Variants in TMEM135 observed in about 807,000 individuals in gnomAD.
TMEM135 encodes transmembrane protein 135, also known as peroxisomal membrane protein 52.
Under a neutral mutation model 60.3 loss-of-function variants are expected in TMEM135, and 30 were observed. That is an observed-to-expected ratio of 0.50 (90% CI 0.37 to 0.68). The LOEUF (loss-of-function observed/expected upper bound fraction) is 0.68. Among genes scored for constraint, TMEM135 ranks in the 30% least tolerant of loss-of-function variants. The pLI is 0.00. For synonymous variants in TMEM135, 190 were observed against 186.7 expected, an observed-to-expected ratio of 1.02 and a Z score of -0.14; for missense variants, 468 against 548.8, an observed-to-expected ratio of 0.85 and a Z score of 1.47.
intron 7 of TMEM135, among the ~76,000 whole-genome samples, chr11:87,300,684 T>G (rs1317791505): frequency 6.6e-6 from 1 of 152,174 alleles, no homozygotes; most frequent in Non-Finnish European, 1.5e-5. Flanking sequence ...TATTAAATAT[T>G]TACCATGTGC....
Position 87,325,326 on chromosome 11 carries a change from C to T in TMEM135, c.*3993C>T, listed in dbSNP as rs1367605330. On this transcript the variant is annotated 3_prime_UTR_variant, in exon 15 of 15. Coordinates refer to ENST00000305494, the MANE Select transcript of TMEM135 (RefSeq NM_022918.4). ...AAGTTGGCCATGATATAGCTAGTGT[C>T]ATAGGACTACAGCAGAGTAGTGAGT... 2.2e-6 allele frequency: 1 copy of T among 454,080 alleles called. No homozygotes were observed. 28.1% of individuals were successfully genotyped at this position (454,080 alleles called of 1,614,324 possible). A position where few individuals can be genotyped will look rare whatever the true frequency, so the allele number is the denominator to read the frequency against.
At chr11:87,058,089 T>A (rs1949910631) in intron 1 of TMEM135, among the ~76,000 whole-genome samples, 1 of 152,148 alleles carries the variant, frequency 6.6e-6, no homozygotes, top group Admixed American at 6.5e-5. Context: ...GAGTTTGTTG[T>A]TTTGTTCTCT....
chr11:87,093,752 G>T (rs2445563), intron 4 of TMEM135, among the ~76,000 whole-genome samples: 82,889 of 151,166 alleles, frequency 0.55, 23,468 homozygotes, highest in East Asian at 0.71. Context: ...CAGTCTGGTC[G>T]TGAACTCCTG....
intron 2 of TMEM135, among the ~76,000 whole-genome samples, chr11:87,070,488 G>A (rs926092181): frequency 1.8e-4 from 28 of 152,018 alleles, no homozygotes; most frequent in Non-Finnish European, 4.1e-4. Context: ...CAAAAAATTA[G>A]CCGGGCGTGG....
chr11:87,138,744 ATGG>A (rs749529922), intron 4 of TMEM135, among the ~76,000 whole-genome samples: 13 of 152,218 alleles, frequency 8.5e-5, no homozygotes, highest in Admixed American at 2.6e-4. Context: ...GCTTGGACAA[ATGG>A]TGGATGGGAA....
chr11:87,071,478 G>C, intron 2 of TMEM135, 45 bp from the exon 3 acceptor site: 1 of 1,456,032 alleles, frequency 6.9e-7, no homozygotes, highest in East Asian at 2.3e-5. Context: ...TAACTGAAGT[G>C]ACCAACTAGG....
chr11:87,220,678 A>G (rs1271969013), intron 5 of TMEM135, among the ~76,000 whole-genome samples: 1 of 152,198 alleles, frequency 6.6e-6, no homozygotes, highest in Non-Finnish European at 1.5e-5. Context: ...TTTGGTGTGT[A>G]GAATTTTATT....
At chr11:87,275,280 T>C (rs566221579) in intron 6 of TMEM135, among the ~76,000 whole-genome samples, 23 of 152,304 alleles carry the variant, frequency 1.5e-4, no homozygotes, top group African/African-American at 5.5e-4. Context: ...TTCCTTTTTT[T>C]CAACAAAGTG....
At chr11:87,095,398 T>G (rs898288686) in intron 4 of TMEM135, 3 of 215,376 alleles carry the variant, frequency 1.4e-5, no homozygotes, top group African/African-American at 2.3e-5. Context: ...TCATCAATAC[T>G]TGTGTATTAG....
At chr11:87,107,348 T>C (rs1857622760) in intron 4 of TMEM135, among the ~76,000 whole-genome samples, 1 of 152,066 alleles carries the variant, frequency 6.6e-6, no homozygotes, top group Admixed American at 6.6e-5. Context: ...ATGTGCCATG[T>C]TGGTGTGCTG....
At chr11:87,187,634 T>C (rs1939684976) in intron 5 of TMEM135, among the ~76,000 whole-genome samples, 1 of 152,216 alleles carries the variant, frequency 6.6e-6, no homozygotes, top group South Asian at 2.1e-4. Context: ...TATGCACTTG[T>C]GTGTGAACGT....
chr11:87,184,641 T>C (rs1285333455), intron 5 of TMEM135, among the ~76,000 whole-genome samples: 1 of 152,130 alleles, frequency 6.6e-6, no homozygotes, highest in Admixed American at 6.6e-5. Context: ...CCTCTTTTTT[T>C]CCCTTAAATA....
At chr11:87,097,760 T>G (rs1446770937) in intron 4 of TMEM135, among the ~76,000 whole-genome samples, 1 of 152,220 alleles carries the variant, frequency 6.6e-6, no homozygotes, top group Non-Finnish European at 1.5e-5. Flanking sequence ...TCGCTCTGTT[T>G]TGAGCTCTTA....
At chr11:87,069,190 G>T (rs1168184023) in intron 2 of TMEM135, among the ~76,000 whole-genome samples, 1 of 149,200 alleles carries the variant, frequency 6.7e-6, no homozygotes. Flanking sequence ...GGAGGCTGAG[G>T]CAGGAGAATT....
At chr11:87,105,906 AT>A (rs1473217380) in intron 4 of TMEM135, among the ~76,000 whole-genome samples, 4 of 152,112 alleles carry the variant, frequency 2.6e-5, no homozygotes, top group Non-Finnish European at 4.4e-5. Flanking sequence ...GTTTGTACTC[AT>A]TCACTAACCT....
chr11:87,134,563 A>G (rs950069603), intron 4 of TMEM135, among the ~76,000 whole-genome samples: 4 of 152,268 alleles, frequency 2.6e-5, no homozygotes, highest in East Asian at 1.9e-4. Context: ...TCTCACTGCA[A>G]TGCAAACTCC....
At chr11:87,177,024 T>C (rs1320423585) in intron 5 of TMEM135, among the ~76,000 whole-genome samples, 2 of 152,164 alleles carry the variant, frequency 1.3e-5, no homozygotes, top group African/African-American at 2.4e-5. Context: ...CCTTTTGATA[T>C]AATTTTCAGT....
intron 5 of TMEM135, among the ~76,000 whole-genome samples, chr11:87,234,341 T>C (rs946655500): frequency 6.6e-6 from 1 of 152,062 alleles, no homozygotes; most frequent in Non-Finnish European, 1.5e-5. Context: ...GGCAAAGACT[T>C]TTGTCCATTT....
At chr11:87,150,781 T>C (rs1376293553) in intron 4 of TMEM135, among the ~76,000 whole-genome samples, 1 of 152,182 alleles carries the variant, frequency 6.6e-6, no homozygotes, top group Non-Finnish European at 1.5e-5. Context: ...TTTAAGTTTG[T>C]TATCTTGTTC....
Sources: allele counts gnomAD v4.1 joint callset (sites outside exome capture counted in the v4.1 genomes callset), GRCh38; gene constraint gnomAD v4.1.1; transcripts MANE v1.5; gene names NCBI Gene and HGNC (gene_info 2026-07-23, HGNC 2026-07-21).